SYT4: variants seen among roughly 807,000 people sequenced by gnomAD.
SYT4 encodes the protein synaptotagmin 4, also known as synaptotagmin-4.
In SYT4, 7 loss-of-function variants were observed where a neutral mutation model predicts 32.9. The ratio of observed to expected loss-of-function variants is 0.21; its 90% CI spans 0.12 to 0.40. The LOEUF is 0.40. Among genes scored for constraint, SYT4 ranks in the 10% least tolerant of loss-of-function variants. The pLI is 1.00. For synonymous variants in SYT4, 205 were observed against 186.2 expected (o/e 1.10, Z -0.82); for missense variants, 480 against 488.0 (o/e 0.98, Z 0.16).
chr18:43,271,917 C>T, intron 2 of SYT4, 85 bp from the exon 3 acceptor site: 6 of 1,325,876 alleles, frequency 4.5e-6, no homozygotes, highest in Non-Finnish European at 6.2e-6. Flanking sequence ...ATAACATCGT[C>T]ATTTAAATAT....
In SYT4 at chr18:43,273,611, A is replaced by G. The variant is rs761099730; in HGVS notation, c.818T>C (p.Met273Thr). 5.0e-6 allele frequency: 8 copies of G among 1,612,914 alleles called. No homozygotes were observed. In the East Asian group the frequency reaches 6.7e-5, roughly 14 times the overall value. Residue 273 changes from methionine (M) to threonine (T), a missense_variant, in exon 2 of 4, where the codon ATG becomes ACG. Met to Thr is a moderately conservative substitution (Grantham distance 81). Coordinates refer to ENST00000255224, the MANE Select transcript of SYT4 (RefSeq NM_020783.4). ...ATTTCTCTTGATGATCTCTCTATTC[A>G]TTAACATTTTTCCTTCAGATAATTC... The part of the protein sequence containing the change: ...GIELSEGKML[M>T]NREIIKRNVR...
rs957119937 is a variant in SYT4, at chr18:43,268,294, T to C, written c.*2047A>G. 1.3e-5 allele frequency: 2 copies of C among 152,592 alleles called. No homozygotes were observed. Among genetic ancestry groups the C allele is most frequent in the African/African-American group, 4.8e-5 (2 of 41,450 alleles). The allele number at this position is 152,592 out of a possible 1,614,324, so 9.5% of individuals were successfully genotyped here. A position where few individuals can be genotyped will look rare whatever the true frequency, so the allele number is the denominator to read the frequency against. On this transcript the variant is annotated 3_prime_UTR_variant, in exon 4 of 4. Transcript: ENST00000255224. ...CTCTTTTCTGAAAACCAGTTGCAAA[T>C]AGTTTTACTCAACTTTTCACACTCA...
chr18:43,274,288 C>G lies in SYT4; in HGVS notation c.141G>C (p.Lys47Asn), dbSNP rs758824478. 5 of 1,613,864 alleles carry G rather than the reference C, an allele frequency of 3.1e-6. No homozygotes were observed. Among genetic ancestry groups the G allele is most frequent in the Non-Finnish European group, 4.2e-6 (5 of 1,179,910 alleles). Residue 47 changes from lysine to asparagine, a missense_variant, in exon 2 of 4, where the codon AAG becomes AAC. Lys to Asn is a moderately conservative substitution (Grantham distance 94). Transcript: ENST00000255224. ...CATGCACAAACTTGTATGGAGGAGT[C>G]TTGTTAGACTTGGATGATTTTCTCT... ...CCQRKSSKSN[K>N]TPPYKFVHVL...
chr18:43,271,848 T>C lies in SYT4; in HGVS notation c.850-16A>G, dbSNP rs1455096679. 7 of 1,609,244 alleles carry C rather than the reference T, an allele frequency of 4.3e-6. No homozygotes were observed. Among genetic ancestry groups the C allele is most frequent in the East Asian group, 4.5e-5 (2 of 44,698 alleles). ...CTGAAGACTTCTGCAGAAAGAGAAA[T>C]GTGATATAAGTATTTCTATCTTTTT... On this transcript the variant is annotated splice_polypyrimidine_tract_variant and intron_variant, in intron 2 of 3. Transcript: ENST00000255224.
intron 1 of SYT4, among the ~76,000 whole-genome samples, chr18:43,274,680 A>G (rs779921637): frequency 6.6e-6 from 1 of 152,202 alleles, no homozygotes; most frequent in Non-Finnish European, 1.5e-5. Flanking sequence ...GGGAATGCTT[A>G]ATGACTCTGA....
At position 43,270,088 on chromosome 18, in the gene SYT4, G is replaced by A; in HGVS notation, c.*253C>T. ...TTCATAAAATGTCTGACTATTCCTAGTTATATCACTGGTAATCTGAAGGAG... is the reference window on the plus strand; with the variant it reads ...TTCATAAAATGTCTGACTATTCCTAATTATATCACTGGTAATCTGAAGGAG... On this transcript the variant is annotated 3_prime_UTR_variant, in exon 4 of 4. Transcript: ENST00000255224. 1 of 474,890 alleles carries A rather than the reference G, an allele frequency of 2.1e-6. No homozygotes were observed. The highest frequency in any genetic ancestry group is 3.7e-6 in the Non-Finnish European group (1 of 267,446). The allele number at this position is 474,890 out of a possible 1,614,324, so 29.4% of individuals were successfully genotyped here. A position where few individuals can be genotyped will look rare whatever the true frequency, so the allele number is the denominator to read the frequency against.
At position 43,274,056 on chromosome 18, in the gene SYT4, G is replaced by A. The variant is rs1423330914; in HGVS notation, c.373C>T (p.Leu125Phe). Residue 125 changes from leucine (L) to phenylalanine (F), a missense_variant, in exon 2 of 4, where the codon CTC becomes TTC. Leu to Phe is a conservative substitution (Grantham distance 22). Coordinates refer to ENST00000255224, the MANE Select transcript of SYT4 (RefSeq NM_020783.4). ...GACTCTTTTTCCCCTTCTAAAAAGA[G>A]CTTCGGGGTTGCATTCTCCAGATCA... is the stretch of plus-strand genomic sequence containing the variant. ...PSDLENATPKLFLEGEKESVS... is the reference protein window; with the variant it reads ...PSDLENATPKFFLEGEKESVS... The A allele has an allele frequency of 6.2e-7, 1 of 1,614,062 alleles. No individual in the cohort carries two copies. The highest frequency in any genetic ancestry group is 1.1e-5 in the South Asian group (1 of 91,070).
intron 2 of SYT4, among the ~76,000 whole-genome samples, chr18:43,272,778 C>A (rs1256929356): frequency 6.6e-6 from 1 of 152,088 alleles, no homozygotes; most frequent in African/African-American, 2.4e-5. Context: ...GTATCTGAAC[C>A]TTGACCGTCA....
chr18:43,277,153 T>C, intron 1 of SYT4, 95 bp downstream of exon 1: 2 of 1,472,786 alleles, frequency 1.4e-6, no homozygotes, highest in South Asian at 1.2e-5. Context: ...CTAGGAAATC[T>C]GTATTCAACA....
At chr18:43,271,675 C>T in intron 3 of SYT4, 37 bp downstream of exon 3, 1 of 1,609,192 alleles carries the variant, frequency 6.2e-7, no homozygotes, top group Non-Finnish European at 8.5e-7. Flanking sequence ...ACATTCCAAT[C>T]ATACAGTGAA....
chr18:43,275,629 A>G (rs1908769443), intron 1 of SYT4, among the ~76,000 whole-genome samples: 1 of 152,102 alleles, frequency 6.6e-6, no homozygotes, highest in Non-Finnish European at 1.5e-5. Context: ...CTGCCAATCT[A>G]CTTCACAATT....
rs1279143909 is a variant in SYT4 at position 43,269,112 on chromosome 18, G to A, written c.*1229C>T. On this transcript the variant is annotated 3_prime_UTR_variant, in exon 4 of 4. Coordinates refer to ENST00000255224, the MANE Select transcript of SYT4 (RefSeq NM_020783.4). ...GAATGAATTTCAGAACCCTGGCACT[G>A]GAAAATGATACAAGACACAAGTCTG... 6.6e-6 allele frequency: 1 copy of A among 152,090 alleles called. No individual in the cohort carries two copies. The highest frequency in any genetic ancestry group is 1.5e-5 in the Non-Finnish European group (1 of 68,006). The allele number at this position is 152,090 out of a possible 1,614,324, so 9.4% of individuals were successfully genotyped here. A position where few individuals can be genotyped will look rare whatever the true frequency, so the allele number is the denominator to read the frequency against.
At position 43,277,484 on chromosome 18, in the gene SYT4, C is replaced by G. The variant is rs1908834681; in HGVS notation, c.-203G>C. 3.3e-6 allele frequency: 2 copies of G among 600,182 alleles called. No individual in the cohort carries two copies. The highest frequency in any genetic ancestry group is 3.8e-5 in the African/African-American group (2 of 53,144). 37.2% of individuals were successfully genotyped at this position (600,182 alleles called of 1,614,324 possible). A position where few individuals can be genotyped will look rare whatever the true frequency, so the allele number is the denominator to read the frequency against. ...TTTGCCACCTCGGTTCCTGTTTTGG[C>G]TCTTCTGAGAAGCTCGTCTCCGAGA... On this transcript the variant is annotated 5_prime_UTR_variant, in exon 1 of 4. Coordinates refer to ENST00000255224, the MANE Select transcript of SYT4 (RefSeq NM_020783.4).
intron 1 of SYT4, among the ~76,000 whole-genome samples, chr18:43,275,529 A>C (rs1908766030): frequency 6.6e-6 from 1 of 152,108 alleles, no homozygotes; most frequent in African/African-American, 2.4e-5. Context: ...TAAAGTTATA[A>C]GTTCCAGCCC....
At position 43,274,408 on chromosome 18, in the gene SYT4, T is replaced by C. The variant is rs775760048; in HGVS notation, c.35-14A>G. 3 of 1,565,268 alleles carry C rather than the reference T, an allele frequency of 1.9e-6. No individual in the cohort carries two copies. The East Asian group carries it at 6.7e-5, about 35-fold the overall frequency. ...TGGGGATTTCATCTGAAAAATCAAA[T>C]GACCAATAATATACATTAAAGAAGC... On this transcript the variant is annotated splice_polypyrimidine_tract_variant and intron_variant, in intron 1 of 3. Transcript: ENST00000255224.
At position 43,277,246 on chromosome 18, in the gene SYT4, A is replaced by G. The variant is rs1415914564; in HGVS notation, c.34+2T>C. 6.2e-7 allele frequency: 1 copy of G among 1,614,046 alleles called. No individual in the cohort carries two copies. Among genetic ancestry groups the G allele is most frequent in the Non-Finnish European group, 8.5e-7 (1 of 1,179,946 alleles). On this transcript the variant is annotated splice_donor_variant, in intron 1 of 3. Transcript: ENST00000255224. LOFTEE classifies it high-confidence loss of function. ...CAGTCATAAGTTCAGTAACTTGCTT[A>G]CCAAATTCTTCCCGGCTGGTGGTGA...
chr18:43,268,840 C>A lies in SYT4; in HGVS notation c.*1501G>T, dbSNP rs1908537638. 1.3e-5 allele frequency: 2 copies of A among 152,548 alleles called. No individual in the cohort carries two copies. The highest frequency in any genetic ancestry group is 1.3e-4 in the Admixed American group (2 of 15,256). The allele number at this position is 152,548 out of a possible 1,614,324, so 9.4% of individuals were successfully genotyped here. On this transcript the variant is annotated 3_prime_UTR_variant, in exon 4 of 4. Transcript: ENST00000255224. ...GCATGTATAAGTTGTTTGGAAAATG[C>A]ATTTTTCATAGAATTTACAAACACT...
In SYT4 at chr18:43,268,237, C is replaced by T. The variant is rs1206606472; in HGVS notation, c.*2104G>A. 1 of 152,562 alleles carries T rather than the reference C, an allele frequency of 6.6e-6. No individual in the cohort carries two copies. Among genetic ancestry groups the T allele is most frequent in the Non-Finnish European group, 1.5e-5 (1 of 68,028 alleles). 9.5% of individuals were successfully genotyped at this position (152,562 alleles called of 1,614,324 possible). Reference sequence around the variant, plus strand: ...GATGAAATTAGGTATTAAGATCTCCCTGCCTGTTTCAATTCCTTTGTTGTT... The same window carrying T: ...GATGAAATTAGGTATTAAGATCTCCTTGCCTGTTTCAATTCCTTTGTTGTT... On this transcript the variant is annotated 3_prime_UTR_variant, in exon 4 of 4. Coordinates refer to ENST00000255224, the MANE Select transcript of SYT4 (RefSeq NM_020783.4).
chr18:43,271,599 C>A, intron 3 of SYT4, 113 bp downstream of exon 3: 1 of 1,360,228 alleles, frequency 7.4e-7, no homozygotes, highest in Non-Finnish European at 9.8e-7. Context: ...ACTTTTATAG[C>A]AGATACATAA....
Sources: gnomAD v4.1 joint callset for allele counts (sites outside exome capture counted in the v4.1 genomes callset) on GRCh38, gnomAD v4.1.1 for gene constraint, MANE v1.5 for transcripts, NCBI Gene and HGNC (gene_info 2026-07-23, HGNC 2026-07-21) for gene names.